The following ADGRV1 variants were observed in gnomAD, a reference collection of about 807,000 sequenced individuals.
ADGRV1 encodes adhesion G protein-coupled receptor V1, also known as G-protein coupled receptor 98.
In ADGRV1, 359 loss-of-function variants were observed where a neutral mutation model predicts 596.2. The ratio of observed to expected loss-of-function variants is 0.60; its 90% CI spans 0.55 to 0.66. ADGRV1 has a LOEUF of 0.66. ADGRV1 is among the 30% of genes least tolerant of loss of function. The pLI, the probability that ADGRV1 is intolerant of heterozygous loss-of-function variation, is 0.00. For synonymous variants in ADGRV1, 2,681 were observed against 2,679.2 expected, an observed-to-expected ratio of 1.00 and a Z score of -0.02; for missense variants, 7,274 against 7,575.6, an observed-to-expected ratio of 0.96 and a Z score of 1.48.
intron 1 of ADGRV1, among the ~76,000 whole-genome samples, chr5:90,613,639 C>A (rs145978657): frequency 6.6e-6 from 1 of 152,108 alleles, no homozygotes; most frequent in African/African-American, 2.4e-5. Flanking sequence ...TAGCTTATAT[C>A]CCTTTCCTGG....
chr5:91,113,101 T>C (rs1792522922), intron 87 of ADGRV1, among the ~76,000 whole-genome samples: 1 of 152,160 alleles, frequency 6.6e-6, no homozygotes. Flanking sequence ...GCAGATCCTG[T>C]AGCTCCTCTG....
chr5:90,972,075 T>G (rs1373672518), intron 84 of ADGRV1, among the ~76,000 whole-genome samples: 1 of 152,194 alleles, frequency 6.6e-6, no homozygotes, highest in African/African-American at 2.4e-5. Flanking sequence ...AAACAGACTT[T>G]AGACCAATAA....
intron 50 of ADGRV1, among the ~76,000 whole-genome samples, chr5:90,744,578 A>G (rs1754393376): frequency 6.6e-6 from 1 of 152,188 alleles, no homozygotes; most frequent in Admixed American, 6.5e-5. Flanking sequence ...AGAAAACTGT[A>G]ATAGTATGGA....
chr5:91,056,485 G>A (rs2367274), intron 85 of ADGRV1, among the ~76,000 whole-genome samples: 89,005 of 151,646 alleles, frequency 0.59, 26,812 homozygotes, highest in South Asian at 0.68. Context: ...CATAGAATAC[G>A]AGAAGATGAC....
At chr5:90,692,026 T>TATAAAATTTTATACAAGTTC (rs1355936452) in intron 31 of ADGRV1, among the ~76,000 whole-genome samples, 1 of 152,178 alleles carries the variant, frequency 6.6e-6, no homozygotes, top group East Asian at 1.9e-4. Flanking sequence ...TCTTTAATAG[T>TATAAAATTTTATACAAGTTC]ATAAAATTTT....
At chr5:90,744,030 C>T (rs761817065) in intron 50 of ADGRV1, among the ~76,000 whole-genome samples, 12 of 151,966 alleles carry the variant, frequency 7.9e-5, no homozygotes, top group Admixed American at 1.3e-4. Flanking sequence ...ACTCTGTTGC[C>T]TAGGGTAGAG....
chr5:91,100,921 T>C (rs1414951291), intron 86 of ADGRV1, among the ~76,000 whole-genome samples: 1 of 152,126 alleles, frequency 6.6e-6, no homozygotes, highest in Non-Finnish European at 1.5e-5. Context: ...TGGCTGGTAA[T>C]CATCAAAAGT....
At chr5:90,587,026 A>G (rs1758838329) in intron 1 of ADGRV1, among the ~76,000 whole-genome samples, 1 of 152,208 alleles carries the variant, frequency 6.6e-6, no homozygotes, top group Admixed American at 6.5e-5. Context: ...TTAATTTCAG[A>G]GTAAGTAGTT....
chr5:91,055,518 A>G (rs1786762832), intron 85 of ADGRV1, among the ~76,000 whole-genome samples: 1 of 152,208 alleles, frequency 6.6e-6, no homozygotes, highest in African/African-American at 2.4e-5. Context: ...GATTTTATTT[A>G]TATTTTACAA....
chr5:91,098,142 G>A (rs1052055630), intron 86 of ADGRV1, among the ~76,000 whole-genome samples: 1 of 152,206 alleles, frequency 6.6e-6, no homozygotes, highest in Non-Finnish European at 1.5e-5. Context: ...CAGCAGAGAA[G>A]TTATTAGTAG....
chr5:91,097,695 T>C (rs1790995049), intron 86 of ADGRV1, among the ~76,000 whole-genome samples: 1 of 152,208 alleles, frequency 6.6e-6, no homozygotes, highest in Admixed American at 6.5e-5. Context: ...CTATCAGGCA[T>C]GCACAAGGGT....
chr5:91,082,398 C>T (rs1789469297), intron 86 of ADGRV1, among the ~76,000 whole-genome samples: 1 of 152,108 alleles, frequency 6.6e-6, no homozygotes, highest in African/African-American at 2.4e-5. Context: ...ACAATCATAG[C>T]TCCCTGCAGC....
intron 54 of ADGRV1, among the ~76,000 whole-genome samples, chr5:90,754,619 A>C (rs1317051065): frequency 6.6e-6 from 1 of 152,126 alleles, no homozygotes; most frequent in Non-Finnish European, 1.5e-5. Flanking sequence ...TTTTTGAAGA[A>C]TCTTTTGAGC....
chr5:90,855,988 A>C, intron 82 of ADGRV1, 87 bp downstream of exon 82: 2 of 1,052,246 alleles, frequency 1.9e-6, no homozygotes, highest in Non-Finnish European at 2.8e-6. Flanking sequence ...CGTATGCAAG[A>C]TGCAAACATA....
intron 1 of ADGRV1, among the ~76,000 whole-genome samples, chr5:90,562,123 G>C (rs1004152404): frequency 2.6e-5 from 4 of 152,110 alleles, no homozygotes; most frequent in African/African-American, 9.7e-5. Flanking sequence ...ATTATTTATT[G>C]AAACCATTTA....
intron 45 of ADGRV1, 138 bp downstream of exon 45, chr5:90,721,197 T>G: frequency 1.3e-6 from 1 of 743,192 alleles, no homozygotes; most frequent in Non-Finnish European, 2.0e-6. Context: ...TTTTATTGCA[T>G]CTATAAATAT....
chr5:90,564,394 A>G (rs1755264749), intron 1 of ADGRV1, among the ~76,000 whole-genome samples: 2 of 152,130 alleles, frequency 1.3e-5, no homozygotes, highest in African/African-American at 4.8e-5. Context: ...GGAGTGGAAA[A>G]AGGTAGAGAG....
chr5:91,033,659 G>T (rs1008914184), intron 85 of ADGRV1, among the ~76,000 whole-genome samples: 1 of 152,122 alleles, frequency 6.6e-6, no homozygotes, highest in Non-Finnish European at 1.5e-5. Flanking sequence ...TCCCAGTTCT[G>T]ATTCTCTGTG....
chr5:90,814,358 A>T lies in ADGRV1; in HGVS notation c.16079-1261A>T, dbSNP rs551383702. Among the ~76,000 whole-genome samples, 29 of 152,214 alleles carry T rather than the reference A, an allele frequency of 1.9e-4. No homozygotes were observed. The South Asian group carries it at 5.8e-3, about 31-fold the overall frequency. On this transcript the variant is annotated intron_variant, in intron 74 of 89. Transcript: ENST00000405460. ...AGTGGTTTTCTGTTTCCTTAACCCAACCTACTCCCTAATTTCAGAAGTTCT... is the reference window on the plus strand; with the variant it reads ...AGTGGTTTTCTGTTTCCTTAACCCATCCTACTCCCTAATTTCAGAAGTTCT...
Sources: allele counts gnomAD v4.1 joint callset (sites outside exome capture counted in the v4.1 genomes callset), GRCh38; gene constraint gnomAD v4.1.1; transcripts MANE v1.5; gene names NCBI Gene and HGNC (gene_info 2026-07-23, HGNC 2026-07-21).